The following SLC25A46 variants were observed in gnomAD, a reference collection of about 807,000 sequenced individuals.
SLC25A46 encodes mitochondrial outer membrane protein SLC25A46.
In SLC25A46, 39 loss-of-function variants were observed where a neutral mutation model predicts 44.6. The observed-to-expected ratio is 0.87, with a 90% CI of 0.68 to 1.14. The LOEUF (loss-of-function observed/expected upper bound fraction) is 1.14. Among genes scored for constraint, SLC25A46 ranks in the 50% most tolerant of loss-of-function variants. SLC25A46 has a pLI of 0.00. For synonymous variants in SLC25A46, 202 were observed against 185.8 expected (o/e 1.09, Z -0.71); for missense variants, 547 against 522.7 (o/e 1.05, Z -0.45).
At chr5:110,759,264 G>A (rs13172767) in intron 7 of SLC25A46, among the ~76,000 whole-genome samples, 9 of 152,078 alleles carry the variant, frequency 5.9e-5, no homozygotes, top group Non-Finnish European at 1.2e-4. Flanking sequence ...AGGGAGGGGC[G>A]GTTAATATTT....
chr5:110,752,501 C>G (rs919201211), intron 5 of SLC25A46, among the ~76,000 whole-genome samples: 7 of 152,296 alleles, frequency 4.6e-5, no homozygotes, highest in Non-Finnish European at 7.3e-5. Context: ...TTTGGTTCAA[C>G]TCCAACTTAG....
chr5:110,738,239 T>C (rs1303937925), upstream of SLC25A46: 1 of 1,287,102 alleles, frequency 7.8e-7, no homozygotes, highest in African/African-American at 1.5e-5. Flanking sequence ...GTGGAGCTAA[T>C]GAAAACAGGT....
chr5:110,756,912 T>G, intron 7 of SLC25A46, 153 bp downstream of exon 7: 1 of 445,470 alleles, frequency 2.2e-6, no homozygotes, highest in Non-Finnish European at 3.9e-6. Context: ...CGCACGTTGC[T>G]TGTCTGTATA....
chr5:110,761,839 A>AAGTT lies in SLC25A46; in HGVS notation c.*59_*62dup. 1 of 1,396,676 alleles carries AAGTT rather than the reference A, an allele frequency of 7.2e-7. No individual in the cohort carries two copies. The highest frequency in any genetic ancestry group is 1.4e-5 in the African/African-American group (1 of 70,068). The allele number at this position is 1,396,676 out of a possible 1,614,324, so 86.5% of individuals were successfully genotyped here. On this transcript the variant is annotated 3_prime_UTR_variant, in exon 8 of 8. Coordinates refer to ENST00000355943, the MANE Select transcript of SLC25A46 (RefSeq NM_138773.4). This position sits in a 1 kb window ranked among gnomAD's most constrained non-coding sequence, Gnocchi z 5.3. ...GATATAATCTGGATAATTTGCTATG[A>AAGTT]AGTTATGAGGGATACAAGTGAAATA...
chr5:110,740,945 C>T (rs919797457), intron 1 of SLC25A46, among the ~76,000 whole-genome samples: 1 of 152,228 alleles, frequency 6.6e-6, no homozygotes. Context: ...GAGCGAGACT[C>T]CGTCTCAAAA....
At chr5:110,756,502 C>A (rs1800117141) in intron 6 of SLC25A46, among the ~76,000 whole-genome samples, 200 bp from the exon 7 acceptor site, 1 of 151,990 alleles carries the variant, frequency 6.6e-6, no homozygotes, top group Non-Finnish European at 1.5e-5. Context: ...TTGATTTTTT[C>A]ATCTCTGTTG....
intron 5 of SLC25A46, among the ~76,000 whole-genome samples, chr5:110,751,199 TAA>T (rs1799961774): frequency 3.9e-5 from 6 of 152,212 alleles, no homozygotes; most frequent in African/African-American, 1.4e-4. Context: ...GTGAGGAAAA[TAA>T]ACAAAAGGTA....
Position 110,739,178 on chromosome 5 carries a change from A to G in SLC25A46, c.59A>G (p.Asp20Gly). Residue 20 changes from aspartate to glycine, a missense_variant, in exon 1 of 8, where the codon GAC becomes GGC. By Grantham distance (94) the Asp-to-Gly change is moderately conservative. Transcript: ENST00000355943. The stretch of plus-strand genomic sequence containing the variant: ...TTGGGCTACCGGGGTGGTGCCCGGG[A>G]CGAGCAGGGCTTTGGCGGCGCCTTC... ...DGLGYRGGAR[D>G]EQGFGGAFPA... The G allele has an allele frequency of 9.0e-6, 14 of 1,551,584 alleles. No homozygotes were observed. Among genetic ancestry groups the G allele is most frequent in the Non-Finnish European group, 1.1e-5 (13 of 1,147,616 alleles).
upstream of SLC25A46, chr5:110,738,690 G>T: frequency 4.4e-6 from 1 of 227,350 alleles, no homozygotes; most frequent in South Asian, 5.5e-5. Flanking sequence ...GGGCGTAGCT[G>T]TGACATGGGG....
intron 1 of SLC25A46, chr5:110,741,761 A>G (rs757796451): frequency 1.6e-5 from 4 of 252,058 alleles, no homozygotes; most frequent in Admixed American, 1.1e-4. Flanking sequence ...AAAAATTACA[A>G]CTTCAAAACC....
At position 110,761,061 on chromosome 5, in the gene SLC25A46, G is replaced by T. The variant is rs571048769; in HGVS notation, c.679-143G>T. On this transcript the variant is annotated intron_variant, in intron 7 of 7. Transcript: ENST00000355943. This position sits in a 1 kb window ranked among gnomAD's most constrained non-coding sequence, Gnocchi z 5.3. ...CATTTGAAAAAAAATCTGATGCCTA[G>T]ATAACAGTTAAAGTCTGCAAATCAT... 1 of 661,922 alleles carries T rather than the reference G, an allele frequency of 1.5e-6. No individual in the cohort carries two copies. The highest frequency in any genetic ancestry group is 3.1e-5 in the Admixed American group (1 of 32,326). The allele number at this position is 661,922 out of a possible 1,614,324, so 41.0% of individuals were successfully genotyped here.
At chr5:110,739,828 A>G (rs1799594386) in intron 1 of SLC25A46, among the ~76,000 whole-genome samples, 1 of 152,146 alleles carries the variant, frequency 6.6e-6, no homozygotes, top group African/African-American at 2.4e-5. Flanking sequence ...CTTGGGTTCA[A>G]ACTTGGTTGT....
chr5:110,740,915 G>T (rs2150407365), intron 1 of SLC25A46, among the ~76,000 whole-genome samples: 1 of 152,346 alleles, frequency 6.6e-6, no homozygotes. Context: ...TCGCGTCACT[G>T]CACTCCAGCC....
intron 7 of SLC25A46, among the ~76,000 whole-genome samples, chr5:110,759,808 G>T (rs959140380): frequency 6.6e-6 from 1 of 152,024 alleles, no homozygotes; most frequent in African/African-American, 2.4e-5. Context: ...GGAGTGGGAA[G>T]GATGTCAGGG....
In SLC25A46 at chr5:110,764,660, C is replaced by G. The variant is rs1464420571; in HGVS notation, c.*2878C>G. 1 of 151,450 alleles carries G rather than the reference C, an allele frequency of 6.6e-6. No homozygotes were observed. The highest frequency in any genetic ancestry group is 1.5e-5 in the Non-Finnish European group (1 of 67,872). 9.4% of individuals were successfully genotyped at this position (151,450 alleles called of 1,614,324 possible). On this transcript the variant is annotated 3_prime_UTR_variant, in exon 8 of 8. Transcript: ENST00000355943. ...TGTTTCTACCTAAGTATTAGTACAT[C>G]TGTTCAGGAAATGGAAAAAAAAAAT...
chr5:110,742,639 C>T (rs921466402), intron 2 of SLC25A46, among the ~76,000 whole-genome samples: 4 of 151,858 alleles, frequency 2.6e-5, no homozygotes, highest in Admixed American at 2.6e-4. Flanking sequence ...GGTTTTCATT[C>T]TTTTCATGGG....
At chr5:110,758,495 A>G (rs896727295) in intron 7 of SLC25A46, among the ~76,000 whole-genome samples, 136 of 152,156 alleles carry the variant, frequency 8.9e-4, no homozygotes, top group African/African-American at 3.1e-3. Context: ...CTTCATAATT[A>G]CCCAGTCATC....
intron 1 of SLC25A46, among the ~76,000 whole-genome samples, chr5:110,739,646 A>T (rs566317557): frequency 1.3e-5 from 2 of 152,238 alleles, no homozygotes; most frequent in African/African-American, 4.8e-5. Flanking sequence ...CATAGCAGGA[A>T]TTTTTAGAGG....
upstream of SLC25A46, chr5:110,738,284 T>C (rs972583891): frequency 1.6e-6 from 2 of 1,270,170 alleles, no homozygotes; most frequent in Non-Finnish European, 2.0e-6. Flanking sequence ...CTCTCAGTTA[T>C]TCAATTAGAG....
Sources: allele counts gnomAD v4.1 joint callset (sites outside exome capture counted in the v4.1 genomes callset), GRCh38; gene constraint gnomAD v4.1.1; non-coding constraint Gnocchi (gnomAD v3.1); transcripts MANE v1.5; gene names NCBI Gene and HGNC (gene_info 2026-07-23, HGNC 2026-07-21).